Variants in SLC14A1 observed in about 807,000 individuals in gnomAD.
The protein encoded by SLC14A1 is solute carrier family 14 member 1 (Kidd blood group).
A neutral mutation model predicts 39.6 loss-of-function variants in SLC14A1; 36 were observed. That is an observed-to-expected ratio of 0.91 (90% CI 0.70 to 1.20). The LOEUF (loss-of-function observed/expected upper bound fraction) is 1.20. Among genes scored for constraint, SLC14A1 ranks in the 50% most tolerant of loss-of-function variants. The probability of loss-of-function intolerance (pLI) is 0.00; values close to 1 mark genes in which losing one functional copy is unlikely to be tolerated. For synonymous variants in SLC14A1, 164 were observed against 173.6 expected, an observed-to-expected ratio of 0.94 and a Z score of 0.43; for missense variants, 469 against 478.7, an observed-to-expected ratio of 0.98 and a Z score of 0.19.
intron 4 of SLC14A1, among the ~76,000 whole-genome samples, chr18:45,731,977 C>T (rs28994293): frequency 6.6e-6 from 1 of 152,334 alleles, no homozygotes; most frequent in African/African-American, 2.4e-5. Flanking sequence ...TTAGCAAATG[C>T]TCCACTTTTC....
chr18:45,730,554 A>G, intron 3 of SLC14A1, 83 bp downstream of exon 3: 1 of 1,444,026 alleles, frequency 6.9e-7, no homozygotes, highest in Non-Finnish European at 9.7e-7. Flanking sequence ...TTATACCTTT[A>G]GTTATATTCT....
chr18:45,749,745 G>A (rs1599334147), intron 9 of SLC14A1, 33 bp from the exon 10 acceptor site: 1 of 1,614,024 alleles, frequency 6.2e-7, no homozygotes, highest in East Asian at 2.2e-5. Context: ...GATGGGATCT[G>A]AAAGGAGCGT....
chr18:45,748,256 G>C, intron 8 of SLC14A1, 120 bp from the exon 9 acceptor site: 1 of 1,058,968 alleles, frequency 9.4e-7, no homozygotes, highest in Non-Finnish European at 1.5e-6. Context: ...CTGACTTTAG[G>C]CTCATGCTTG....
rs574976304 is a variant in SLC14A1, at chr18:45,752,082, C to T, written c.*2131C>T. On this transcript the variant is annotated 3_prime_UTR_variant, in exon 10 of 10. Transcript: ENST00000321925. ...CAATTTTAAAACCCAGTGACCAAAG[C>T]CTTTGGAACTATGAATTTGCAACTG... 11 of 985,338 alleles carry T rather than the reference C, an allele frequency of 1.1e-5. No individual in the cohort carries two copies. In the South Asian group the frequency reaches 3.8e-4, roughly 34 times the overall value. The allele number at this position is 985,338 out of a possible 1,614,324, so 61.0% of individuals were successfully genotyped here.
chr18:45,738,006 A>C (rs1194735380), intron 6 of SLC14A1, among the ~76,000 whole-genome samples: 4 of 152,132 alleles, frequency 2.6e-5, no homozygotes, highest in African/African-American at 9.7e-5. Flanking sequence ...AACAAACAAA[A>C]AAAGCATATG....
Position 45,749,948 on chromosome 18 carries a change from G to GT in SLC14A1, c.1168dup (p.Ter390LeufsTer21). 1.2e-6 allele frequency: 2 copies of GT among 1,614,214 alleles called. No homozygotes were observed. Among genetic ancestry groups the GT allele is most frequent in the Non-Finnish European group, 1.7e-6 (2 of 1,180,028 alleles). The stretch of plus-strand genomic sequence containing the variant: ...AGAAAAGAATGGTGGAAAGCCCTTT[G>GT]TGAGAACAAGCCCCATTTGCAGCCA... On this transcript the variant is annotated frameshift_variant, in exon 10 of 10. Transcript: ENST00000321925. LOFTEE classifies it high-confidence loss of function.
chr18:45,750,075 A>G lies in SLC14A1; in HGVS notation c.*124A>G. ...CAACTTTCATACTGACGCGTCTGTA[A>G]TCTGTTCTTATGCTCATTTTGTATT... On this transcript the variant is annotated 3_prime_UTR_variant, in exon 10 of 10. Coordinates refer to ENST00000321925, the MANE Select transcript of SLC14A1 (RefSeq NM_015865.7). 6.3e-7 allele frequency: 1 copy of G among 1,592,666 alleles called. No individual in the cohort carries two copies. The highest frequency in any genetic ancestry group is 2.2e-5 in the East Asian group (1 of 44,808).
intron 8 of SLC14A1, 118 bp downstream of exon 8, chr18:45,739,780 T>C: frequency 1.5e-6 from 2 of 1,358,538 alleles, no homozygotes; most frequent in South Asian, 2.4e-5. Flanking sequence ...TTGAGCCCAC[T>C]TGCTGTCTAA....
At chr18:45,742,353 GTTT>G (rs34628652) in intron 8 of SLC14A1, among the ~76,000 whole-genome samples, 2 of 118,050 alleles carry the variant, frequency 1.7e-5, no homozygotes, top group Admixed American at 9.6e-5. Flanking sequence ...TTGTTTTTTG[GTTT>G]TTTTTTTTTT....
Position 45,749,835 on chromosome 18 carries a change from A to G in SLC14A1, c.1054A>G (p.Met352Val), listed in dbSNP as rs947916224. Reference sequence around the variant, plus strand: ...TTTGGCCACGCTATTGTTCCTCATCATGACCACAAAAAATTCCAACATCTA... The same window carrying G: ...TTTGGCCACGCTATTGTTCCTCATCGTGACCACAAAAAATTCCAACATCTA... ...FCLATLLFLI[M>V]TTKNSNIYKM... Residue 352 changes from methionine (M) to valine (V), a missense_variant, in exon 10 of 10, where the codon ATG becomes GTG. Transcript: ENST00000321925. The G allele has an allele frequency of 1.1e-5, 17 of 1,614,046 alleles. No individual in the cohort carries two copies. The highest frequency in any genetic ancestry group is 1.3e-5 in the Non-Finnish European group (15 of 1,180,042).
intron 5 of SLC14A1, among the ~76,000 whole-genome samples, chr18:45,734,740 TGAG>T (rs60802418): frequency 4.0e-4 from 60 of 150,366 alleles, no homozygotes; most frequent in African/African-American, 8.8e-4. Flanking sequence ...TTGGGCTAAG[TGAG>T]GAGGAGGAGG....
At chr18:45,725,624 G>A (rs928136698) in intron 2 of SLC14A1, among the ~76,000 whole-genome samples, 2 of 152,166 alleles carry the variant, frequency 1.3e-5, no homozygotes, top group Non-Finnish European at 2.9e-5. Context: ...CACAGAAACT[G>A]CTGCTTCACT....
chr18:45,741,299 A>G (rs2047371713), intron 8 of SLC14A1, among the ~76,000 whole-genome samples: 1 of 152,212 alleles, frequency 6.6e-6, no homozygotes, highest in African/African-American at 2.4e-5. Context: ...AGCATTTAAG[A>G]TAATATTCTA....
At position 45,734,269 on chromosome 18, in the gene SLC14A1, C is replaced by T. The variant is rs185283898; in HGVS notation, c.342-5C>T. 7.7e-5 allele frequency: 125 copies of T among 1,613,936 alleles called. No homozygotes were observed. In the African/African-American group the frequency reaches 1.5e-3, roughly 20 times the overall value. ...AATGTCCGTGCTGTGTCTCTTGCCCCACAGGTCATTAATAGCATCTGGGCT... is the reference window on the plus strand; with the variant it reads ...AATGTCCGTGCTGTGTCTCTTGCCCTACAGGTCATTAATAGCATCTGGGCT... On this transcript the variant is annotated splice_polypyrimidine_tract_variant and splice_region_variant and intron_variant, in intron 4 of 9. Coordinates refer to ENST00000321925, the MANE Select transcript of SLC14A1 (RefSeq NM_015865.7).
chr18:45,731,257 A>C, intron 4 of SLC14A1, 53 bp downstream of exon 4: 1 of 1,536,888 alleles, frequency 6.5e-7, no homozygotes, highest in Non-Finnish European at 9.0e-7. Flanking sequence ...ACAGGGGCTG[A>C]CCAGTTACTG....
chr18:45,741,065 T>C lies in SLC14A1; in HGVS notation c.946+1403T>C, dbSNP rs550349743. On this transcript the variant is annotated intron_variant, in intron 8 of 9. Coordinates refer to ENST00000321925, the MANE Select transcript of SLC14A1 (RefSeq NM_015865.7). The stretch of plus-strand genomic sequence containing the variant: ...GTGCCGCAGGGAATCTGGACAGCAA[T>C]GGGTAAATCCACCCCCGGAACCCAC... The C allele has an allele frequency of 3.9e-5, 6 of 152,384 alleles. No homozygotes were observed. The South Asian group carries it at 1.2e-3, about 32-fold the overall frequency. The allele number at this position is 152,384 out of a possible 1,614,324, so 9.4% of individuals were successfully genotyped here. A position where few individuals can be genotyped will look rare whatever the true frequency, so the allele number is the denominator to read the frequency against.
chr18:45,732,677 C>A (rs562223507), intron 4 of SLC14A1, among the ~76,000 whole-genome samples: 1 of 152,206 alleles, frequency 6.6e-6, no homozygotes, highest in African/African-American at 2.4e-5. Flanking sequence ...ACCTCCTGCT[C>A]GAGCCCAGCA....
Position 45,748,494 on chromosome 18 carries a change from C to CT in SLC14A1, c.996+70dup, listed in dbSNP as rs1286083530. The stretch of plus-strand genomic sequence containing the variant: ...GCTTACAACTATATGGGAAATGCTC[C>CT]TGAAGTCCACTGGGCTGGCATCCAG... On this transcript the variant is annotated intron_variant, in intron 9 of 9. Transcript: ENST00000321925. The CT allele has an allele frequency of 2.7e-6, 4 of 1,482,832 alleles. No individual in the cohort carries two copies. In the African/African-American group the frequency reaches 5.5e-5, roughly 21 times the overall value. The allele number at this position is 1,482,832 out of a possible 1,614,324, so 91.9% of individuals were successfully genotyped here. A position where few individuals can be genotyped will look rare whatever the true frequency, so the allele number is the denominator to read the frequency against.
Position 45,750,856 on chromosome 18 carries a change from C to G in SLC14A1, c.*905C>G. 1.0e-6 allele frequency: 1 copy of G among 985,228 alleles called. No homozygotes were observed. The highest frequency in any genetic ancestry group is 1.2e-6 in the Non-Finnish European group (1 of 829,806). 61.0% of individuals were successfully genotyped at this position (985,228 alleles called of 1,614,324 possible). ...ACAAATGCATAGAATTGTTACCAAC[C>G]TCCAAAGGGCTCTTTAAAATCATAT... On this transcript the variant is annotated 3_prime_UTR_variant, in exon 10 of 10. Coordinates refer to ENST00000321925, the MANE Select transcript of SLC14A1 (RefSeq NM_015865.7).
Sources: allele counts gnomAD v4.1 joint callset (sites outside exome capture counted in the v4.1 genomes callset), GRCh38; gene constraint gnomAD v4.1.1; transcripts MANE v1.5; gene names NCBI Gene and HGNC (gene_info 2026-07-23, HGNC 2026-07-21).